RFX7: variants seen among roughly 807,000 people sequenced by gnomAD.
RFX7 encodes the protein DNA-binding protein RFX7.
A neutral mutation model predicts 111.8 loss-of-function variants in RFX7; 26 were observed. The ratio of observed to expected loss-of-function variants is 0.23; its 90% CI spans 0.17 to 0.32. The LOEUF (loss-of-function observed/expected upper bound fraction) is 0.32, where lower values mean the gene tolerates loss of function less well. RFX7 is among the 10% of genes least tolerant of loss of function. The pLI, the probability that RFX7 is intolerant of heterozygous loss-of-function variation, is 1.00. For missense variants in RFX7, 1,573 were observed against 1,772.9 expected (o/e 0.89, Z 2.02); for synonymous variants, 624 against 624.4 (o/e 1.00, Z 0.01).
Position 56,243,130 on chromosome 15 carries a change from G to A in RFX7, c.156C>T (p.Ser52=), listed in dbSNP as rs1424425062. The stretch of plus-strand genomic sequence containing the variant: ...GCGATGGAGGATCCTCTTACCAGAT[G>A]GAGTTCTTGATCTTGTGTTGCAGCG... The part of the protein sequence containing the change: ...ASALQHKIKN[S]ICKTVQSKVD... The change falls in exon 2 of 10, where the codon TCC becomes TCT. Residue 52 remains serine, a synonymous_variant. Coordinates refer to ENST00000559447, the MANE Select transcript of RFX7 (RefSeq NM_022841.7). 5.1e-6 allele frequency: 7 copies of A among 1,361,936 alleles called. No individual in the cohort carries two copies. Among genetic ancestry groups the A allele is most frequent in the Non-Finnish European group, 6.9e-6 (7 of 1,019,956 alleles). 84.4% of individuals were successfully genotyped at this position (1,361,936 alleles called of 1,614,324 possible).
chr15:56,151,825 C>G (rs562518517), intron 3 of RFX7, among the ~76,000 whole-genome samples: 3 of 152,064 alleles, frequency 2.0e-5, no homozygotes, highest in Non-Finnish European at 4.4e-5. Context: ...ATCTCATGTG[C>G]AAAGACACAC....
chr15:56,185,499 C>T (rs2043029271), intron 2 of RFX7, among the ~76,000 whole-genome samples: 1 of 152,234 alleles, frequency 6.6e-6, no homozygotes, highest in East Asian at 1.9e-4. Flanking sequence ...TATCCAACTA[C>T]AACTGGACAT....
intron 2 of RFX7, among the ~76,000 whole-genome samples, chr15:56,192,198 T>C (rs1433233937): frequency 1.1e-4 from 17 of 152,078 alleles, no homozygotes; most frequent in African/African-American, 4.1e-4. Context: ...AGCGTAATAA[T>C]AACTTCGGAT....
chr15:56,143,999 C>CT (rs1434305844), intron 4 of RFX7, among the ~76,000 whole-genome samples: 2 of 152,098 alleles, frequency 1.3e-5, no homozygotes, highest in Non-Finnish European at 2.9e-5. Flanking sequence ...GGCAATTTCA[C>CT]TTTATTTTCT....
intron 5 of RFX7, among the ~76,000 whole-genome samples, chr15:56,114,232 T>C: frequency 6.6e-6 from 1 of 151,832 alleles, no homozygotes; most frequent in Admixed American, 6.6e-5. Context: ...GGTGAAACCC[T>C]GTCTCTATTA....
intron 5 of RFX7, among the ~76,000 whole-genome samples, chr15:56,136,415 T>C (rs1233393057): frequency 6.8e-6 from 1 of 146,596 alleles, no homozygotes; most frequent in African/African-American, 2.6e-5. Flanking sequence ...TGGCTCTCTG[T>C]TTGTCTGTTG....
chr15:56,207,049 T>A (rs1258479003), intron 2 of RFX7, among the ~76,000 whole-genome samples: 1 of 152,156 alleles, frequency 6.6e-6, no homozygotes, highest in Non-Finnish European at 1.5e-5. Flanking sequence ...AGATGATGGA[T>A]ACCCCATTTA....
At position 56,090,535 on chromosome 15, in the gene RFX7, A is replaced by T. The variant is rs2041583665; in HGVS notation, c.*2810T>A. 6.6e-6 allele frequency: 1 copy of T among 152,666 alleles called. No individual in the cohort carries two copies. Among genetic ancestry groups the T allele is most frequent in the South Asian group, 2.1e-4 (1 of 4,832 alleles). 9.5% of individuals were successfully genotyped at this position (152,666 alleles called of 1,614,324 possible). Reference sequence around the variant, plus strand: ...CCATAAAACACCTTCAGATCCAGTCAGTTTAATATAAAATGTTTTTAATTG... The same window carrying T: ...CCATAAAACACCTTCAGATCCAGTCTGTTTAATATAAAATGTTTTTAATTG... On this transcript the variant is annotated 3_prime_UTR_variant, in exon 10 of 10. Coordinates refer to ENST00000559447, the MANE Select transcript of RFX7 (RefSeq NM_022841.7).
chr15:56,170,105 C>T (rs1462699544), intron 3 of RFX7, among the ~76,000 whole-genome samples: 1 of 152,042 alleles, frequency 6.6e-6, no homozygotes, highest in Non-Finnish European at 1.5e-5. Flanking sequence ...AGTTTATATT[C>T]GTTCATACAT....
chr15:56,175,905 T>C (rs1202729561), intron 3 of RFX7, among the ~76,000 whole-genome samples: 1 of 152,118 alleles, frequency 6.6e-6, no homozygotes, highest in African/African-American at 2.4e-5. Context: ...GGAAACTAAC[T>C]ACAGGCAAAC....
chr15:56,243,061 C>CCCCCCCCCCTTG, intron 2 of RFX7, 64 bp downstream of exon 2: 1 of 1,036,976 alleles, frequency 9.6e-7, no homozygotes, highest in Non-Finnish European at 1.4e-6. Flanking sequence ...CCGCCGCCCC[C>CCCCCCCCCCTTG]CACCCACTTT....
intron 3 of RFX7, among the ~76,000 whole-genome samples, chr15:56,151,445 T>A (rs532614919): frequency 4.9e-4 from 74 of 152,286 alleles, no homozygotes; most frequent in African/African-American, 1.7e-3. Context: ...CAGAATTTCA[T>A]ATTCAGCCAA....
intron 2 of RFX7, among the ~76,000 whole-genome samples, chr15:56,190,658 A>G (rs2043090975): frequency 6.6e-6 from 1 of 152,206 alleles, no homozygotes; most frequent in Non-Finnish European, 1.5e-5. Context: ...GAACTAGTTA[A>G]AATGCAAATT....
chr15:56,243,326 C>G, intron 1 of RFX7, 39 bp from the exon 2 acceptor site: 18 of 817,264 alleles, frequency 2.2e-5, no homozygotes, highest in Admixed American at 1.4e-4. Context: ...AAGATGGGGG[C>G]GCGGGGAAGG....
intron 3 of RFX7, among the ~76,000 whole-genome samples, chr15:56,148,227 T>G (rs2042512341): frequency 6.6e-6 from 1 of 152,196 alleles, no homozygotes; most frequent in Non-Finnish European, 1.5e-5. Flanking sequence ...CAGGAAACAA[T>G]TTTGGAGAAT....
intron 2 of RFX7, among the ~76,000 whole-genome samples, chr15:56,187,167 A>G (rs1411155410): frequency 6.6e-6 from 1 of 152,136 alleles, no homozygotes; most frequent in Non-Finnish European, 1.5e-5. Flanking sequence ...GCAGGAAGCA[A>G]CTGGAAGGAA....
chr15:56,174,531 G>A (rs547418636), intron 3 of RFX7, among the ~76,000 whole-genome samples: 2 of 152,232 alleles, frequency 1.3e-5, no homozygotes, highest in East Asian at 3.9e-4. Flanking sequence ...GGCAGACCAT[G>A]AGGTCAAGAG....
chr15:56,109,055 C>T (rs1400736244), intron 5 of RFX7, among the ~76,000 whole-genome samples: 1 of 151,832 alleles, frequency 6.6e-6, no homozygotes, highest in African/African-American at 2.4e-5. Context: ...CTCCCTCTGC[C>T]TCTCCCTCTC....
chr15:56,087,597 G>T lies in RFX7; in HGVS notation c.*5748C>A, dbSNP rs890129685. 1.5e-5 allele frequency: 7 copies of T among 455,894 alleles called. No individual in the cohort carries two copies. Among genetic ancestry groups the T allele is most frequent in the Non-Finnish European group, 3.1e-5 (7 of 226,452 alleles). The allele number at this position is 455,894 out of a possible 1,614,324, so 28.2% of individuals were successfully genotyped here. On this transcript the variant is annotated 3_prime_UTR_variant, in exon 10 of 10. Coordinates refer to ENST00000559447, the MANE Select transcript of RFX7 (RefSeq NM_022841.7). ...CACTTAACTGCAAGGGAAGTTGGCA[G>T]ATGCAGCCTTTTGGTCAGATGGCTG...
Sources: gnomAD v4.1 joint callset for allele counts (sites outside exome capture counted in the v4.1 genomes callset) on GRCh38, gnomAD v4.1.1 for gene constraint, MANE v1.5 for transcripts, NCBI Gene and HGNC (gene_info 2026-07-23, HGNC 2026-07-21) for gene names.